Variants in SCHIP1 observed in about 807,000 individuals in gnomAD.
SCHIP1 encodes the protein schwannomin-interacting protein 1.
A neutral mutation model predicts 29.7 loss-of-function variants in SCHIP1; 8 were observed. That is an observed-to-expected ratio of 0.27 (90% CI 0.16 to 0.49). The LOEUF (loss-of-function observed/expected upper bound fraction) is 0.49. SCHIP1 is among the 20% of genes least tolerant of loss of function. The pLI is 0.99. For synonymous variants in SCHIP1, 76 were observed against 94.9 expected, an observed-to-expected ratio of 0.80 and a Z score of 1.16; for missense variants, 193 against 294.6, an observed-to-expected ratio of 0.66 and a Z score of 2.52.
At chr3:159,687,964 T>C in the SCHIP1 span, among the ~76,000 whole-genome samples, 1 of 152,236 alleles carries the variant, frequency 6.6e-6, no homozygotes, top group African/African-American at 2.4e-5. Context: ...TATTCCATGG[T>C]GTATATGTGC....
the SCHIP1 span, among the ~76,000 whole-genome samples, chr3:159,514,020 T>TTTA: frequency 1.3e-5 from 2 of 152,204 alleles, no homozygotes; most frequent in Non-Finnish European, 2.9e-5. Flanking sequence ...GTGCAAGACG[T>TTTA]GAAATGAACC....
the SCHIP1 span, among the ~76,000 whole-genome samples, chr3:159,486,080 G>C: frequency 6.6e-6 from 1 of 152,048 alleles, no homozygotes. Context: ...TATACATAAT[G>C]AACTTATTGT....
the SCHIP1 span, among the ~76,000 whole-genome samples, chr3:159,763,141 G>C: frequency 6.6e-6 from 1 of 152,180 alleles, no homozygotes; most frequent in Non-Finnish European, 1.5e-5. Flanking sequence ...CCCACAGCCT[G>C]AACTTGGAAG....
At chr3:159,680,615 T>C in the SCHIP1 span, among the ~76,000 whole-genome samples, 4 of 99,430 alleles carry the variant, frequency 4.0e-5, no homozygotes, top group East Asian at 9.8e-4. Flanking sequence ...ATTATATATG[T>C]ATATATAATA....
At chr3:159,885,740 T>C (rs910974442) in intron 2 of SCHIP1, among the ~76,000 whole-genome samples, 5 of 152,210 alleles carry the variant, frequency 3.3e-5, no homozygotes, top group East Asian at 1.9e-4. Context: ...CCCTATTCTG[T>C]CTATTTGGGA....
chr3:159,296,756 A>G, the SCHIP1 span, among the ~76,000 whole-genome samples: 1 of 152,040 alleles, frequency 6.6e-6, no homozygotes, highest in Non-Finnish European at 1.5e-5. Context: ...CTGGGCAACA[A>G]GAGTGAAACT....
the SCHIP1 span, among the ~76,000 whole-genome samples, chr3:159,802,292 C>CA: frequency 6.6e-6 from 1 of 152,066 alleles, no homozygotes; most frequent in African/African-American, 2.4e-5. Context: ...ATGGCAAAGC[C>CA]AAAAAAATGC....
chr3:159,579,832 CTTTT>C, the SCHIP1 span, among the ~76,000 whole-genome samples: 5 of 152,066 alleles, frequency 3.3e-5, no homozygotes, highest in African/African-American at 1.2e-4. Context: ...GAGATTTCCT[CTTTT>C]TTTATTTCTT....
upstream of SCHIP1, among the ~76,000 whole-genome samples, chr3:159,839,628 C>CTTTTTTT (rs3068349): frequency 1.2e-3 from 88 of 71,784 alleles, 1 homozygote; most frequent in South Asian, 2.8e-3. Context: ...AGGTCTTTTT[C>CTTTTTTT]TTTTTTTTTT....
chr3:159,658,129 G>A, the SCHIP1 span, among the ~76,000 whole-genome samples: 16 of 152,296 alleles, frequency 1.1e-4, no homozygotes, highest in East Asian at 1.5e-3. Context: ...GTGATGAGAC[G>A]TGTGAATTCA....
chr3:159,779,160 G>C, the SCHIP1 span, among the ~76,000 whole-genome samples: 2 of 152,144 alleles, frequency 1.3e-5, no homozygotes, highest in Non-Finnish European at 2.9e-5. Context: ...GCAACCTGTG[G>C]AACAAATGCC....
chr3:159,327,596 G>T, the SCHIP1 span, among the ~76,000 whole-genome samples: 1 of 152,148 alleles, frequency 6.6e-6, no homozygotes, highest in Non-Finnish European at 1.5e-5. Flanking sequence ...TGTTGCAAAT[G>T]CAAATTAGTT....
the SCHIP1 span, among the ~76,000 whole-genome samples, chr3:159,462,081 G>T: frequency 6.6e-6 from 1 of 151,794 alleles, no homozygotes; most frequent in African/African-American, 2.4e-5. Context: ...ATAGTGGTGC[G>T]CACCTGTAAT....
At chr3:159,615,671 G>A in the SCHIP1 span, among the ~76,000 whole-genome samples, 2 of 152,120 alleles carry the variant, frequency 1.3e-5, no homozygotes, top group African/African-American at 2.4e-5. Flanking sequence ...AGATGGTGTG[G>A]GGGTGAAGAG....
At chr3:159,402,020 C>A in the SCHIP1 span, among the ~76,000 whole-genome samples, 1 of 152,014 alleles carries the variant, frequency 6.6e-6, no homozygotes, top group Non-Finnish European at 1.5e-5. Flanking sequence ...AAAATTTTTG[C>A]AACCTACTCA....
the SCHIP1 span, among the ~76,000 whole-genome samples, chr3:159,385,583 A>AAC: frequency 8.8e-6 from 1 of 113,404 alleles, no homozygotes; most frequent in African/African-American, 3.6e-5. Context: ...AACAAAAAAA[A>AAC]AAAAACCAAA....
the SCHIP1 span, among the ~76,000 whole-genome samples, chr3:159,815,189 C>T: frequency 6.6e-6 from 1 of 152,338 alleles, no homozygotes; most frequent in Admixed American, 6.5e-5. Flanking sequence ...TTACCGTGGT[C>T]TGCACTGCCC....
chr3:159,735,253 G>A, the SCHIP1 span, among the ~76,000 whole-genome samples: 2 of 148,226 alleles, frequency 1.3e-5, no homozygotes, highest in South Asian at 2.1e-4. Flanking sequence ...TTTCTGAGAT[G>A]GAGTCTTGCT....
the SCHIP1 span, among the ~76,000 whole-genome samples, chr3:159,323,502 C>T: frequency 1.3e-5 from 2 of 152,028 alleles, no homozygotes; most frequent in African/African-American, 4.8e-5. Context: ...ATACCTTTTT[C>T]TTGTTAATAG....
Sources: allele counts gnomAD v4.1 joint callset (sites outside exome capture counted in the v4.1 genomes callset), GRCh38; gene constraint gnomAD v4.1.1; transcripts MANE v1.5; gene names NCBI Gene and HGNC (gene_info 2026-07-23, HGNC 2026-07-21).